TEX15: variants seen among roughly 807,000 people sequenced by gnomAD.
TEX15 encodes the protein testis expressed 15, meiosis and synapsis associated.
In TEX15, 171 loss-of-function variants were observed where a neutral mutation model predicts 237.3. The observed-to-expected ratio is 0.72, with a 90% CI of 0.64 to 0.82. The LOEUF (loss-of-function observed/expected upper bound fraction) is 0.82. Ranked by LOEUF, TEX15 falls within the 40% of genes least tolerant of loss-of-function variation. TEX15 has a pLI of 0.00. For missense variants in TEX15, 3,750 were observed against 3,646.5 expected, an observed-to-expected ratio of 1.03 and a Z score of -0.73; for synonymous variants, 1,338 against 1,269.8, an observed-to-expected ratio of 1.05 and a Z score of -1.14.
At position 30,837,762 on chromosome 8, in the gene TEX15, G is replaced by A. The variant is rs780207513; in HGVS notation, c.8522C>T (p.Ala2841Val). 1.5e-5 allele frequency: 25 copies of A among 1,614,036 alleles called. No individual in the cohort carries two copies. In the Admixed American group the frequency reaches 3.8e-4, roughly 25 times the overall value. Residue 2841 changes from alanine (A) to valine (V), a missense_variant, in exon 10 of 11, where the codon GCA becomes GTA. Transcript: ENST00000643185. ...ATGTACACTTTTTTGGTCACAAATTGCAAAAGCAGCACAATCTTTCTTATC... is the reference window on the plus strand; with the variant it reads ...ATGTACACTTTTTTGGTCACAAATTACAAAAGCAGCACAATCTTTCTTATC... ...KSDKKDCAAF[A>V]ICDQKSVHGT... is the part of the protein sequence containing the mutation.
chr8:30,902,159 G>T (rs1809019312), intron 1 of TEX15, among the ~76,000 whole-genome samples: 1 of 151,892 alleles, frequency 6.6e-6, no homozygotes, highest in South Asian at 2.1e-4. Context: ...GAGATCCGCT[G>T]GTCTAAGATA....
chr8:30,881,626 ATTATTTTTTT>A, intron 3 of TEX15, among the ~76,000 whole-genome samples: 1 of 76,228 alleles, frequency 1.3e-5, no homozygotes, highest in Non-Finnish European at 2.2e-5. Context: ...ATTTTTTTTT[ATTATTTTTTT>A]TTTTTGAGAC....
intron 2 of TEX15, among the ~76,000 whole-genome samples, chr8:30,889,542 G>A (rs1808738351): frequency 6.6e-6 from 1 of 152,136 alleles, no homozygotes; most frequent in Non-Finnish European, 1.5e-5. Flanking sequence ...AAAGATTTAT[G>A]AAGTTCACTT....
At position 30,845,758 on chromosome 8, in the gene TEX15, G is replaced by A. The variant is rs140295435; in HGVS notation, c.4409C>T (p.Thr1470Ile). ...ATAAGACTTGTGCTTTGACACATGGGTTAATGATTTAGAAATATCAGCTTT... is the reference window on the plus strand; with the variant it reads ...ATAAGACTTGTGCTTTGACACATGGATTAATGATTTAGAAATATCAGCTTT... ...APKADISKSL[T>I]HVSKHKSYKT... The change falls in exon 8 of 11, where the codon ACC becomes ATC. Residue 1470 changes from threonine (T) to isoleucine (I), a missense_variant. Coordinates refer to ENST00000643185, the MANE Select transcript of TEX15 (RefSeq NM_001350162.2). 3.7e-6 allele frequency: 6 copies of A among 1,613,366 alleles called. No homozygotes were observed. The East Asian group carries it at 1.3e-4, about 36-fold the overall frequency.
rs1481576358 is a variant in TEX15 at position 30,867,433 on chromosome 8, G to C, written c.372C>G (p.Pro124=). The part of the protein sequence containing the change: ...LEEQFCFLAL[P]QSDVAQIYQN... ...GATATATCTGGGCTACATCACTCTG[G>C]GGAAGTGCTAAAAAGCAGAACTGTT... Residue 124 remains proline (P), a synonymous_variant, in exon 5 of 11, where the codon CCC becomes CCG. Transcript: ENST00000643185. 3.9e-6 allele frequency: 6 copies of C among 1,534,742 alleles called. No individual in the cohort carries two copies. In the South Asian group the frequency reaches 7.1e-5, roughly 18 times the overall value.
rs768024027 is a variant in TEX15 at position 30,843,344 on chromosome 8, C to T, written c.6823G>A (p.Ala2275Thr). 10 of 1,610,014 alleles carry T rather than the reference C, an allele frequency of 6.2e-6. No homozygotes were observed. The highest frequency in any genetic ancestry group is 1.7e-4 in the Middle Eastern group (1 of 6,030). ...YGLEHIFFDA[A>T]KNLVWKERTQ... ...CTCTCTTTCCAAACAAGATTTTTTG[C>T]AGCATCAAAAAAGATATGTTCCAGA... Residue 2275 changes from alanine (A) to threonine (T), a missense_variant, in exon 8 of 11, where the codon GCA (alanine) becomes ACA (threonine). Physicochemically the swap from Ala to Thr is moderately conservative, Grantham distance 58 (BLOSUM62 0). Coordinates refer to ENST00000643185, the MANE Select transcript of TEX15 (RefSeq NM_001350162.2).
In TEX15 at chr8:30,848,163, C is replaced by G; in HGVS notation, c.2004G>C (p.Glu668Asp). The change falls in exon 8 of 11, where the codon GAG becomes GAC. Residue 668 changes from glutamate (E) to aspartate (D), a missense_variant. Coordinates refer to ENST00000643185, the MANE Select transcript of TEX15 (RefSeq NM_001350162.2). ...TCCCAAAAGAATTATGACTCTCACT[C>G]TCTTTGTATTCTTGGTGCAAAACAA... is the stretch of plus-strand genomic sequence containing the variant. Reference protein sequence around the residue: ...NYIVLHQEYKESESHNSFGKS... With the variant: ...NYIVLHQEYKDSESHNSFGKS... 6.2e-7 allele frequency: 1 copy of G among 1,611,028 alleles called. No homozygotes were observed.
At chr8:30,906,274 T>C (rs1299656040) in intron 1 of TEX15, among the ~76,000 whole-genome samples, 1 of 152,172 alleles carries the variant, frequency 6.6e-6, no homozygotes, top group Non-Finnish European at 1.5e-5. Context: ...GAAGTCTTTG[T>C]TTCTGTTTTA....
chr8:30,887,878 CATATATATTTCATATATATATATATATAT>C (rs1808691140), intron 2 of TEX15: 1 of 128,312 alleles, frequency 7.8e-6, no homozygotes, highest in Admixed American at 8.5e-5. Context: ...ATATATTTCA[CATATATATTTCATATATATATATATATAT>C]ATATATATAT....
At chr8:30,912,468 G>T (rs1422139159) in intron 1 of TEX15, among the ~76,000 whole-genome samples, 1 of 152,222 alleles carries the variant, frequency 6.6e-6, no homozygotes, top group African/African-American at 2.4e-5. Flanking sequence ...GCGAGGCGGA[G>T]GCCACCACCA....
At position 30,858,657 on chromosome 8, in the gene TEX15, G is replaced by A; in HGVS notation, c.850+11C>T. On this transcript the variant is annotated intron_variant, in intron 7 of 10. Coordinates refer to ENST00000643185, the MANE Select transcript of TEX15 (RefSeq NM_001350162.2). ...AAATATTAATCAAGTACAATCATAT[G>A]TGTATCTTACCAGCTCTCTTAGGAA... 1 of 1,522,318 alleles carries A rather than the reference G, an allele frequency of 6.6e-7. No individual in the cohort carries two copies. Among genetic ancestry groups the A allele is most frequent in the Non-Finnish European group, 8.8e-7 (1 of 1,139,318 alleles). The allele number at this position is 1,522,318 out of a possible 1,614,324, so 94.3% of individuals were successfully genotyped here.
intron 9 of TEX15, among the ~76,000 whole-genome samples, chr8:30,838,773 CAT>C (rs34610592): frequency 0.026 from 1,664 of 65,140 alleles, 24 homozygotes; most frequent in Non-Finnish European, 0.033. Flanking sequence ...TATATAAAAA[CAT>C]ATATATATAT....
chr8:30,900,407 A>G (rs754324939), intron 1 of TEX15, among the ~76,000 whole-genome samples: 45 of 152,266 alleles, frequency 3.0e-4, no homozygotes, highest in Non-Finnish European at 2.4e-4. Context: ...CAGCATTCAC[A>G]TAAGGATATC....
At chr8:30,866,178 C>G (rs540877126) in intron 5 of TEX15, among the ~76,000 whole-genome samples, 2 of 152,052 alleles carry the variant, frequency 1.3e-5, no homozygotes, top group African/African-American at 4.8e-5. Flanking sequence ...GGAAATCAAT[C>G]TCATTTACAA....
chr8:30,837,842 A>T lies in TEX15; in HGVS notation c.8442T>A (p.Asn2814Lys). 1 of 1,614,022 alleles carries T rather than the reference A, an allele frequency of 6.2e-7. No individual in the cohort carries two copies. The part of the protein sequence containing the change: ...SSDHFSGQQE[N>K]LNSMKKRNVN... ...CATTTCTTTTCTTCATGCTATTTAA[A>T]TTTTCCTGTTGTCCACTGAAGTGAT... is the stretch of plus-strand genomic sequence containing the variant. The change falls in exon 10 of 11, where the codon AAT becomes AAA. Residue 2814 changes from asparagine to lysine, a missense_variant. Transcript: ENST00000643185.
In TEX15 at chr8:30,847,010, G is replaced by C. The variant is rs747132537; in HGVS notation, c.3157C>G (p.Gln1053Glu). 2 of 1,613,124 alleles carry C rather than the reference G, an allele frequency of 1.2e-6. No homozygotes were observed. The highest frequency in any genetic ancestry group is 2.2e-5 in the South Asian group (2 of 91,014). The stretch of plus-strand genomic sequence containing the variant: ...ATTTCACTTTCCAATTCAATGCTCT[G>C]AAGAACTAAGTTCTCATTTATTGAT... ...HQSINENLVL[Q>E]SIELESEIEI... The change falls in exon 8 of 11, where the codon CAG becomes GAG. Residue 1053 changes from glutamine (Q) to glutamate (E), a missense_variant. Physicochemically the swap from Gln to Glu is conservative, Grantham distance 29. Coordinates refer to ENST00000643185, the MANE Select transcript of TEX15 (RefSeq NM_001350162.2).
intron 3 of TEX15, among the ~76,000 whole-genome samples, chr8:30,885,942 G>C (rs938250830): frequency 2.0e-5 from 3 of 152,132 alleles, no homozygotes; most frequent in Non-Finnish European, 2.9e-5. Flanking sequence ...TCTTTGATGA[G>C]ATTTTCTAGC....
chr8:30,878,831 TTA>T (rs1320332542), intron 3 of TEX15, among the ~76,000 whole-genome samples: 1 of 152,180 alleles, frequency 6.6e-6, no homozygotes, highest in Admixed American at 6.5e-5. Context: ...GGCTGCATGT[TTA>T]GTTTTTAAAG....
chr8:30,873,439 C>T (rs1233862429), intron 4 of TEX15, among the ~76,000 whole-genome samples: 1 of 152,066 alleles, frequency 6.6e-6, no homozygotes, highest in Non-Finnish European at 1.5e-5. Flanking sequence ...CTCTAATATG[C>T]TGAGTTTTTG....
Sources: allele counts gnomAD v4.1 joint callset (sites outside exome capture counted in the v4.1 genomes callset), GRCh38; gene constraint gnomAD v4.1.1; transcripts MANE v1.5; gene names NCBI Gene and HGNC (gene_info 2026-07-23, HGNC 2026-07-21).